Variants in SYNE1 observed in about 807,000 individuals in gnomAD.
SYNE1 encodes spectrin repeat containing nuclear envelope protein 1, also known as nesprin-1.
A neutral mutation model predicts 1,111.0 loss-of-function variants in SYNE1; 616 were observed. The observed-to-expected ratio is 0.55, with a 90% confidence interval of 0.52 to 0.59. SYNE1 has a LOEUF of 0.59. Ranked by LOEUF, SYNE1 falls within the 20% of genes least tolerant of loss-of-function variation. The pLI, the probability that SYNE1 is intolerant of heterozygous loss-of-function variation, is 0.00. For synonymous variants in SYNE1, 3,855 were observed against 3,825.8 expected (o/e 1.01, Z -0.28); for missense variants, 10,006 against 10,417.0 (o/e 0.96, Z 1.72).
In SYNE1 at chr6:152,208,196, T is replaced by A; in HGVS notation, c.22600A>T (p.Asn7534Tyr). The A allele has an allele frequency of 6.2e-7, 1 of 1,613,982 alleles. No individual in the cohort carries two copies. The highest frequency in any genetic ancestry group is 1.7e-5 in the Admixed American group (1 of 60,014). ...TTACTGAGGAGTGTCAATTTCAGGT[T>A]GAATTCATCCCTAGTGAAGAAATAA... Reference protein sequence around the residue: ...QGQVDDRDEFNLKLTLLSNQW... With the variant: ...QGQVDDRDEFYLKLTLLSNQW... Residue 7534 changes from asparagine to tyrosine, a missense_variant, in exon 125 of 146, where the codon AAC (asparagine) becomes TAC (tyrosine). By Grantham distance (143) the Asn-to-Tyr change is moderately radical. Around this residue, in one of 7 missense-constraint regions of SYNE1, gnomAD observed 2,182 missense variants for 2,287.8 expected, o/e 0.95. Coordinates refer to ENST00000367255, the MANE Select transcript of SYNE1 (RefSeq NM_182961.4).
chr6:152,204,807 AACAG>A (rs1219953918), intron 126 of SYNE1, among the ~76,000 whole-genome samples: 2 of 152,304 alleles, frequency 1.3e-5, no homozygotes, highest in Non-Finnish European at 2.9e-5. Context: ...TACACCAACA[AACAG>A]ACAGACAAGA....
chr6:152,366,973 C>A (rs761527194), intron 62 of SYNE1: 3 of 673,030 alleles, frequency 4.5e-6, no homozygotes, highest in East Asian at 3.0e-5. Flanking sequence ...AGCCTCTTAA[C>A]AAGTGATCAC....
Position 152,318,195 on chromosome 6 carries a change from G to A in SYNE1, c.16458C>T (p.Phe5486=). The change falls in exon 86 of 146, where the codon TTC becomes TTT. Residue 5486 remains phenylalanine (F), a synonymous_variant. Transcript: ENST00000367255. Reference sequence around the variant, plus strand: ...TACCCAGTTGGCCATTCTGTTCCAAGAATTTCTGTACTGCTGCATCTAATT... The same window carrying A: ...TACCCAGTTGGCCATTCTGTTCCAAAAATTTCTGTACTGCTGCATCTAATT... ...LMELDAAVQK[F]LEQNGQLGKP... 1 of 1,614,100 alleles carries A rather than the reference G, an allele frequency of 6.2e-7. No homozygotes were observed.
Position 152,325,211 on chromosome 6 carries a change from C to A in SYNE1, c.15530G>T (p.Ser5177Ile). 2 of 1,614,154 alleles carry A rather than the reference C, an allele frequency of 1.2e-6. No homozygotes were observed. The highest frequency in any genetic ancestry group is 1.7e-6 in the Non-Finnish European group (2 of 1,180,032). Residue 5177 changes from serine (S) to isoleucine (I), a missense_variant, in exon 81 of 146, where the codon AGC becomes ATC. This residue lies in a region of SYNE1 where 4,955 missense variants were observed against 5,017.2 expected (regional missense o/e 0.99). Transcript: ENST00000367255. ...SQLEKTGNDA[S>I]KATLSRSMTT... ...CATTGACCTGCTCAGGGTGGCTTTG[C>A]TGGCATCATTTCCGGTTTTCTCCAG...
chr6:152,138,835 G>T (rs1359595859), intron 140 of SYNE1, among the ~76,000 whole-genome samples: 4 of 152,080 alleles, frequency 2.6e-5, no homozygotes, highest in Admixed American at 2.6e-4. Context: ...TTAGTGTCTG[G>T]GTTAAGGAGG....
In SYNE1 at chr6:152,510,488, A is replaced by C. The variant is rs2099079698; in HGVS notation, c.403-117T>G. 3 of 1,202,818 alleles carry C rather than the reference A, an allele frequency of 2.5e-6. No homozygotes were observed. In the South Asian group the frequency reaches 3.9e-5, roughly 16 times the overall value. The allele number at this position is 1,202,818 out of a possible 1,614,324, so 74.5% of individuals were successfully genotyped here. ...TGTTAACACTCTTGACATTCCTGAC[A>C]AAATGCAAGCTCTTAAAGGGCATGA... On this transcript the variant is annotated intron_variant, in intron 7 of 145. Coordinates refer to ENST00000367255, the MANE Select transcript of SYNE1 (RefSeq NM_182961.4).
intron 107 of SYNE1, among the ~76,000 whole-genome samples, chr6:152,241,508 G>GTGTGTGTGTGTGTGTCTA (rs1382961878): frequency 1.6e-5 from 2 of 124,594 alleles, no homozygotes; most frequent in Admixed American, 1.7e-4. Flanking sequence ...AGCTGTGTGT[G>GTGTGTGTGTGTGTGTCTA]TGTGTGTGTG....
At chr6:152,611,740 A>C (rs995823308) in intron 3 of SYNE1, among the ~76,000 whole-genome samples, 2 of 152,114 alleles carry the variant, frequency 1.3e-5, no homozygotes, top group African/African-American at 4.8e-5. Context: ...TGACCACATA[A>C]TTGGAAGTAA....
intron 67 of SYNE1, 66 bp from the exon 68 acceptor site, chr6:152,353,810 C>A (rs752150044): frequency 6.0e-5 from 95 of 1,592,456 alleles, no homozygotes; most frequent in Non-Finnish European, 7.8e-5. Context: ...AAATGTATAT[C>A]TTCTTATAGG....
At chr6:152,528,706 T>A (rs1021433595) in intron 4 of SYNE1, among the ~76,000 whole-genome samples, 22 of 152,324 alleles carry the variant, frequency 1.4e-4, no homozygotes, top group Non-Finnish European at 2.6e-4. Context: ...CATGCCAGTA[T>A]ATGTTAGATA....
rs186191796 is a variant in SYNE1, at chr6:152,145,446, C to A, written c.24977-1681G>T. 293 of 1,578,812 alleles carry A rather than the reference C, an allele frequency of 1.9e-4. 2 individuals are homozygous for A. Among genetic ancestry groups the A allele is most frequent in the East Asian group, 3.6e-4 (16 of 44,646 alleles). On this transcript the variant is annotated intron_variant, in intron 137 of 145. Transcript: ENST00000367255. ...GTGCTAAGAGAGGAGGATTGCTATA[C>A]AGGGGAGGGAGGGAGGCTGGCTCCG...
chr6:152,543,834 C>A (rs1263792067), intron 3 of SYNE1, among the ~76,000 whole-genome samples: 6 of 152,174 alleles, frequency 3.9e-5, no homozygotes, highest in Admixed American at 3.3e-4. Flanking sequence ...ATATTCAGTA[C>A]AGTCACATGC....
rs1323192041 is a variant in SYNE1 at position 152,409,146 on chromosome 6, A to G, written c.6462T>C (p.Ser2154=). ...CACTACTGTGAATTTTCTTCAGCTC[A>G]GATAACAAGTGTTTTCCTTTGCTGG... The part of the protein sequence containing the change: ...NFTSKGKHLL[S]ELKKIHSSDF... The change falls in exon 44 of 146, where the codon TCT becomes TCC. Residue 2154 remains serine, a synonymous_variant. Coordinates refer to ENST00000367255, the MANE Select transcript of SYNE1 (RefSeq NM_182961.4). The G allele has an allele frequency of 3.7e-6, 6 of 1,614,148 alleles. No individual in the cohort carries two copies. Among genetic ancestry groups the G allele is most frequent in the Non-Finnish European group, 5.1e-6 (6 of 1,179,986 alleles).
intron 14 of SYNE1, among the ~76,000 whole-genome samples, chr6:152,477,625 ATATT>A (rs2154288195): frequency 6.6e-6 from 1 of 151,534 alleles, no homozygotes; most frequent in Admixed American, 6.6e-5. Flanking sequence ...CTTATTTTTT[ATATT>A]TATTACCTTT....
chr6:152,465,032 G>GCCCTC, intron 18 of SYNE1: 1 of 575,160 alleles, frequency 1.7e-6, no homozygotes, highest in East Asian at 3.1e-5. Flanking sequence ...GTAATATAGT[G>GCCCTC]CCCTCCCCTT....
Position 152,331,258 on chromosome 6 carries a change from A to G in SYNE1, c.13427T>C (p.Ile4476Thr), listed in dbSNP as rs747781760. 6 of 1,614,130 alleles carry G rather than the reference A, an allele frequency of 3.7e-6. No individual in the cohort carries two copies. Among genetic ancestry groups the G allele is most frequent in the African/African-American group, 2.7e-5 (2 of 75,050 alleles). Residue 4476 changes from isoleucine to threonine, a missense_variant, in exon 78 of 146, where the codon ATA becomes ACA. Physicochemically the swap from Ile to Thr is moderately conservative, Grantham distance 89. Coordinates refer to ENST00000367255, the MANE Select transcript of SYNE1 (RefSeq NM_182961.4). The part of the protein sequence containing the change: ...TSQIQQHERK[I>T]MFREHICLLP... ...CAGACAGATGTGTTCACGGAACATT[A>G]TCTTTCGCTCATGTTGCTGAATTTG...
intron 39 of SYNE1, among the ~76,000 whole-genome samples, chr6:152,421,947 C>A (rs769921074): frequency 6.6e-6 from 1 of 152,136 alleles, no homozygotes; most frequent in Non-Finnish European, 1.5e-5. Flanking sequence ...CTCAGGTGAT[C>A]TGCCCACCTC....
Position 152,540,022 on chromosome 6 carries a change from C to A in SYNE1, c.68-1G>T, listed in dbSNP as rs1440276153. ...CGTTTTTGTACTATCTCTTGCTCAT[C>A]TAGAAGGAAAAAGAAATCTGGTTAA... On this transcript the variant is annotated splice_acceptor_variant, in intron 3 of 145. Transcript: ENST00000367255. LOFTEE classifies it high-confidence loss of function. 6.2e-7 allele frequency: 1 copy of A among 1,613,570 alleles called. No individual in the cohort carries two copies. The highest frequency in any genetic ancestry group is 1.1e-5 in the South Asian group (1 of 91,068).
At chr6:152,202,261 T>C (rs910178069) in intron 126 of SYNE1, among the ~76,000 whole-genome samples, 2 of 143,670 alleles carry the variant, frequency 1.4e-5, no homozygotes, top group Non-Finnish European at 3.0e-5. Flanking sequence ...GCAGGAGAAT[T>C]GCTTGAACCC....
Sources: gnomAD v4.1 joint callset for allele counts (sites outside exome capture counted in the v4.1 genomes callset) on GRCh38, gnomAD v4.1.1 for gene constraint, gnomAD v4.1.1 regional missense constraint, MANE v1.5 for transcripts, NCBI Gene and HGNC (gene_info 2026-07-23, HGNC 2026-07-21) for gene names.